NEDD9: variants seen among roughly 807,000 people sequenced by gnomAD.
NEDD9 encodes enhancer of filamentation 1.
NEDD9 carries 26 observed loss-of-function variants against 76.6 expected under a neutral mutation model. The observed-to-expected ratio is 0.34, with a 90% confidence interval of 0.25 to 0.47. The LOEUF is 0.47. NEDD9 is among the 20% of genes least tolerant of loss of function. The pLI is 1.00. For synonymous variants in NEDD9, 392 were observed against 414.2 expected (o/e 0.95, Z 0.65); for missense variants, 937 against 1,058.5 (o/e 0.89, Z 1.59).
chr6:11,299,535 C>T (rs973806649), intron 3 of NEDD9, among the ~76,000 whole-genome samples: 7 of 152,300 alleles, frequency 4.6e-5, no homozygotes, highest in African/African-American at 1.4e-4. Flanking sequence ...GCTCCAAGAA[C>T]GGACAGACTG....
rs1758121955 is a variant in NEDD9, at chr6:11,190,873, G to C, written c.996C>G (p.Thr332=). The change falls in exon 5 of 7, where the codon ACC becomes ACG. Residue 332 remains threonine (T), a synonymous_variant. Coordinates refer to ENST00000379446, the MANE Select transcript of NEDD9 (RefSeq NM_006403.4). The surrounding 1 kb of genome is among the most constrained non-coding windows in gnomAD (Gnocchi z 5.8). ...GVQFLEPPAE[T]SEKANPQERD... ...TTTCCTGGGGGTTTGCTTTCTCACT[G>C]GTTTCTGCTGGTGGCTCAAGAAACT... 1.2e-6 allele frequency: 2 copies of C among 1,614,124 alleles called. No individual in the cohort carries two copies. Among genetic ancestry groups the C allele is most frequent in the East Asian group, 2.2e-5 (1 of 44,868 alleles).
At chr6:11,317,901 T>A (rs1289605992) in intron 2 of NEDD9, among the ~76,000 whole-genome samples, 1 of 152,138 alleles carries the variant, frequency 6.6e-6, no homozygotes, top group Non-Finnish European at 1.5e-5. Flanking sequence ...GTAAATTGAG[T>A]AAAGCAGGTG....
chr6:11,375,972 C>G (rs931598335), intron 1 of NEDD9, among the ~76,000 whole-genome samples: 4 of 152,132 alleles, frequency 2.6e-5, no homozygotes, highest in Admixed American at 6.5e-5. Flanking sequence ...CTACAGGCGC[C>G]CGTCACCACA....
intron 2 of NEDD9, among the ~76,000 whole-genome samples, chr6:11,323,173 G>A (rs1391499371): frequency 6.6e-6 from 1 of 152,180 alleles, no homozygotes; most frequent in East Asian, 1.9e-4. Context: ...ATCTTTGTAG[G>A]CCTCAGGATA....
intron 3 of NEDD9, among the ~76,000 whole-genome samples, chr6:11,270,135 A>G (rs951867126): frequency 3.3e-5 from 5 of 152,232 alleles, no homozygotes; most frequent in African/African-American, 1.2e-4. Flanking sequence ...TAAAATAAAC[A>G]AACAAAAAAT....
intron 3 of NEDD9, among the ~76,000 whole-genome samples, chr6:11,240,970 T>G (rs1161614614): frequency 2.0e-5 from 3 of 152,250 alleles, no homozygotes; most frequent in African/African-American, 7.2e-5. Context: ...AGCCTCTCTC[T>G]CCTGTTTTCT....
At chr6:11,290,669 T>A (rs1270820210) in intron 3 of NEDD9, among the ~76,000 whole-genome samples, 1 of 152,134 alleles carries the variant, frequency 6.6e-6, no homozygotes, top group Non-Finnish European at 1.5e-5. Context: ...AATGAGCCCT[T>A]TTATCCATTA....
At chr6:11,319,237 A>C (rs1218901510) in intron 2 of NEDD9, among the ~76,000 whole-genome samples, 1 of 152,192 alleles carries the variant, frequency 6.6e-6, no homozygotes, top group African/African-American at 2.4e-5. Context: ...TGCCTGGCCC[A>C]GGCTGGGTGC....
At chr6:11,365,387 CACAGTACATCT>C (rs1262639868) in intron 1 of NEDD9, among the ~76,000 whole-genome samples, 1 of 152,148 alleles carries the variant, frequency 6.6e-6, no homozygotes, top group Non-Finnish European at 1.5e-5. Context: ...TTGGCTGAAG[CACAGTACATCT>C]ACGTGTAGAA....
intron 1 of NEDD9, among the ~76,000 whole-genome samples, chr6:11,356,784 A>C (rs533562203): frequency 1.4e-5 from 2 of 145,408 alleles, no homozygotes; most frequent in East Asian, 4.5e-4. Flanking sequence ...ATTGATGAAT[A>C]AATGTGTGGA....
At position 11,337,416 on chromosome 6, in the gene NEDD9, T is replaced by C. The variant is rs149155103; in HGVS notation, c.-213-2855A>G. ...TCAAATATTATAGACTGTACACAATTATATGTTGTGGCAATGCAGTAGTTT... is the reference window on the plus strand; with the variant it reads ...TCAAATATTATAGACTGTACACAATCATATGTTGTGGCAATGCAGTAGTTT... On this transcript the variant is annotated intron_variant, in intron 1 of 3. Coordinates refer to the NEDD9 transcript ENST00000397378. Among the ~76,000 whole-genome samples the C allele has an allele frequency of 2.6e-3, 391 of 152,328 alleles. 2 individuals carry two copies. Among genetic ancestry groups the C allele is most frequent in the African/African-American group, 8.9e-3 (368 of 41,574 alleles).
intron 1 of NEDD9, among the ~76,000 whole-genome samples, chr6:11,362,161 A>G (rs893743563): frequency 1.3e-5 from 2 of 152,258 alleles, no homozygotes; most frequent in Non-Finnish European, 2.9e-5. Flanking sequence ...GTTATGAAAG[A>G]GATCCCAGAG....
chr6:11,226,698 G>A (rs1022554945), intron 1 of NEDD9, among the ~76,000 whole-genome samples: 5 of 152,142 alleles, frequency 3.3e-5, no homozygotes, highest in African/African-American at 1.2e-4. Context: ...AACAATTCTA[G>A]TGAATGTCTC....
chr6:11,266,903 G>C (rs1760211829), intron 3 of NEDD9, among the ~76,000 whole-genome samples: 1 of 152,230 alleles, frequency 6.6e-6, no homozygotes, highest in Non-Finnish European at 1.5e-5. Context: ...CTTGGTGTGT[G>C]TGTAGGGAAT....
At chr6:11,289,010 G>C (rs1218575759) in intron 3 of NEDD9, among the ~76,000 whole-genome samples, 1 of 152,188 alleles carries the variant, frequency 6.6e-6, no homozygotes, top group Non-Finnish European at 1.5e-5. Flanking sequence ...AAGTCCTTTG[G>C]AGGTATCTAA....
chr6:11,357,932 C>T (rs997267026), intron 1 of NEDD9, among the ~76,000 whole-genome samples: 6 of 152,132 alleles, frequency 3.9e-5, no homozygotes, highest in East Asian at 1.9e-4. Flanking sequence ...CTGTGGGTCC[C>T]GCCTCCAGAG....
At chr6:11,323,972 TG>T (rs1403788543) in intron 2 of NEDD9, among the ~76,000 whole-genome samples, 1 of 152,166 alleles carries the variant, frequency 6.6e-6, no homozygotes. Context: ...TCCTAGAAGA[TG>T]TCTTGTTTTT....
upstream of NEDD9, among the ~76,000 whole-genome samples, chr6:11,234,624 T>G (rs763499374): frequency 6.6e-6 from 1 of 152,184 alleles, no homozygotes; most frequent in Non-Finnish European, 1.5e-5. Context: ...TCAAGAAGGC[T>G]TGGGTCAGTA....
intron 3 of NEDD9, among the ~76,000 whole-genome samples, chr6:11,280,944 T>C (rs1288491567): frequency 6.6e-6 from 1 of 152,200 alleles, no homozygotes; most frequent in Non-Finnish European, 1.5e-5. Context: ...GTCATGGGGA[T>C]TTTATATTGA....
Sources: allele counts gnomAD v4.1 joint callset (sites outside exome capture counted in the v4.1 genomes callset), GRCh38; gene constraint gnomAD v4.1.1; non-coding constraint Gnocchi (gnomAD v3.1); transcripts MANE v1.5; gene names NCBI Gene and HGNC (gene_info 2026-07-23, HGNC 2026-07-21).